Variants in BAZ2B observed in about 807,000 individuals in gnomAD.
BAZ2B encodes the protein bromodomain adjacent to zinc finger domain protein 2B.
BAZ2B carries 91 observed loss-of-function variants against 246.0 expected under a neutral mutation model. That is an observed-to-expected ratio of 0.37 (90% CI 0.31 to 0.44). BAZ2B has a LOEUF of 0.44. Among genes scored for constraint, BAZ2B ranks in the 20% least tolerant of loss-of-function variants. The pLI, the probability that BAZ2B is intolerant of heterozygous loss-of-function variation, is 1.00. For missense variants in BAZ2B, 2,332 were observed against 2,533.7 expected, an observed-to-expected ratio of 0.92 and a Z score of 1.71; for synonymous variants, 855 against 860.0, an observed-to-expected ratio of 0.99 and a Z score of 0.10.
the BAZ2B span, among the ~76,000 whole-genome samples, chr2:159,632,145 T>C: frequency 2.0e-5 from 3 of 152,192 alleles, no homozygotes; most frequent in Non-Finnish European, 4.4e-5. Flanking sequence ...TTTGAAGTAA[T>C]TTTACATCAG....
downstream of BAZ2B, among the ~76,000 whole-genome samples, chr2:159,315,903 C>T (rs2062060869): frequency 6.6e-6 from 1 of 152,064 alleles, no homozygotes; most frequent in South Asian, 2.1e-4. Flanking sequence ...GTGTATGCCT[C>T]TGATGGAATA....
the BAZ2B span, among the ~76,000 whole-genome samples, chr2:159,708,569 ATTTATTTATTTC>A: frequency 0.036 from 1,819 of 50,946 alleles, 22 homozygotes; most frequent in African/African-American, 0.07. Context: ...TTATTTATTT[ATTTATTTATTTC>A]TTTATTTATT....
intron 1 of BAZ2B, among the ~76,000 whole-genome samples, chr2:159,597,500 C>T (rs1000191907): frequency 2.0e-5 from 3 of 152,176 alleles, no homozygotes; most frequent in African/African-American, 7.2e-5. Flanking sequence ...ATAGCTTCCT[C>T]CTCAGGTATG....
At chr2:159,368,816 A>C (rs2060498634) in intron 27 of BAZ2B, among the ~76,000 whole-genome samples, 1 of 146,300 alleles carries the variant, frequency 6.8e-6, no homozygotes, top group African/African-American at 2.5e-5. Flanking sequence ...ATGGAAATGG[A>C]GGTCTAATAT....
intron 2 of BAZ2B, among the ~76,000 whole-genome samples, chr2:159,542,899 G>A (rs1421553609): frequency 6.6e-6 from 1 of 152,110 alleles, no homozygotes; most frequent in Non-Finnish European, 1.5e-5. Flanking sequence ...AAAAAGAGAA[G>A]AAGTGCAGCA....
chr2:159,703,663 T>G, the BAZ2B span, among the ~76,000 whole-genome samples: 1 of 152,044 alleles, frequency 6.6e-6, no homozygotes, highest in Non-Finnish European at 1.5e-5. Context: ...GTGAGCAGAT[T>G]GCTTGAGCCC....
chr2:159,460,539 T>C (rs149287850), intron 3 of BAZ2B: 2 of 152,210 alleles, frequency 1.3e-5, no homozygotes, highest in East Asian at 3.9e-4. Flanking sequence ...TTCAAAATGG[T>C]AAGCATAAAT....
intron 2 of BAZ2B, among the ~76,000 whole-genome samples, chr2:159,527,307 CTTTTTACTA>C (rs917573377): frequency 2.0e-5 from 3 of 151,990 alleles, no homozygotes; most frequent in Non-Finnish European, 4.4e-5. Context: ...GACTGTTTGC[CTTTTTACTA>C]TTGAGTTTTT....
At chr2:159,495,049 T>C (rs2080922971) in intron 2 of BAZ2B, among the ~76,000 whole-genome samples, 1 of 152,202 alleles carries the variant, frequency 6.6e-6, no homozygotes, top group Non-Finnish European at 1.5e-5. Flanking sequence ...TCAGGGGCCA[T>C]ATGTGTAGAT....
intron 3 of BAZ2B, among the ~76,000 whole-genome samples, chr2:159,470,246 T>C (rs934376680): frequency 1.3e-5 from 2 of 152,178 alleles, no homozygotes; most frequent in Non-Finnish European, 2.9e-5. Context: ...TTAATACCAA[T>C]TCATAATAAA....
chr2:159,560,617 T>A (rs935899774), intron 1 of BAZ2B, among the ~76,000 whole-genome samples: 1 of 151,818 alleles, frequency 6.6e-6, no homozygotes, highest in Non-Finnish European at 1.5e-5. Flanking sequence ...TCACCCAGGC[T>A]AGAGTGCAGT....
chr2:159,342,969 G>A (rs1019311693), intron 31 of BAZ2B, among the ~76,000 whole-genome samples: 1 of 152,128 alleles, frequency 6.6e-6, no homozygotes, highest in Non-Finnish European at 1.5e-5. Context: ...GCAATCCTGA[G>A]TAACAAGAAC....
At chr2:159,686,984 G>A in the BAZ2B span, among the ~76,000 whole-genome samples, 4 of 146,130 alleles carry the variant, frequency 2.7e-5, no homozygotes, top group South Asian at 2.2e-4. Flanking sequence ...GGAGCTTGCA[G>A]TGAGCCGAGA....
chr2:159,405,004 T>C lies in BAZ2B; in HGVS notation c.2770+18A>G, dbSNP rs753892546. On this transcript the variant is annotated intron_variant, in intron 15 of 36. Coordinates refer to ENST00000392783, the MANE Select transcript of BAZ2B (RefSeq NM_013450.4). The stretch of plus-strand genomic sequence containing the variant: ...CAGTACTGACTCTTCGAGTTTATGT[T>C]ACATTTAAATCACTCACCTTGTTGT... 7 of 1,613,526 alleles carry C rather than the reference T, an allele frequency of 4.3e-6. No homozygotes were observed. The South Asian group carries it at 6.6e-5, about 15-fold the overall frequency.
chr2:159,409,480 A>G (rs1431045497), intron 14 of BAZ2B, among the ~76,000 whole-genome samples: 1 of 152,200 alleles, frequency 6.6e-6, no homozygotes, highest in African/African-American at 2.4e-5. Flanking sequence ...ATTTTTACCT[A>G]TATTCTGAGA....
chr2:159,320,470 G>T, intron 36 of BAZ2B, 52 bp from the exon 37 acceptor site: 1 of 1,429,420 alleles, frequency 7.0e-7, no homozygotes. Flanking sequence ...GATTTGTTTT[G>T]TAAACAAATG....
At chr2:159,672,218 C>T in the BAZ2B span, among the ~76,000 whole-genome samples, 2 of 152,116 alleles carry the variant, frequency 1.3e-5, no homozygotes, top group Admixed American at 6.5e-5. Context: ...TCAATTGAGA[C>T]AATTAGGATT....
chr2:159,348,967 A>G, intron 29 of BAZ2B, 40 bp downstream of exon 29: 1 of 1,600,546 alleles, frequency 6.2e-7, no homozygotes, highest in Middle Eastern at 1.7e-4. Flanking sequence ...CATAATATTG[A>G]AATTGAGTAA....
the BAZ2B span, chr2:159,694,287 C>T: frequency 6.6e-6 from 1 of 152,160 alleles, no homozygotes; most frequent in African/African-American, 2.4e-5. Context: ...CTTCTAGACT[C>T]CACACGGTGA....
Sources: gnomAD v4.1 joint callset for allele counts (sites outside exome capture counted in the v4.1 genomes callset) on GRCh38, gnomAD v4.1.1 for gene constraint, MANE v1.5 for transcripts, NCBI Gene and HGNC (gene_info 2026-07-23, HGNC 2026-07-21) for gene names.